Variants in CHN2 observed in about 807,000 individuals in gnomAD.
CHN2 encodes the protein beta-chimaerin.
In CHN2, 35 loss-of-function variants were observed where a neutral mutation model predicts 56.3. That is an observed-to-expected ratio of 0.62 (90% CI 0.47 to 0.82). The LOEUF (loss-of-function observed/expected upper bound fraction) is 0.82. Ranked by LOEUF, CHN2 falls within the 40% of genes least tolerant of loss-of-function variation. CHN2 has a pLI of 0.00. For missense variants in CHN2, 491 were observed against 580.5 expected (o/e 0.85, Z 1.58); for synonymous variants, 210 against 212.8 (o/e 0.99, Z 0.12).
intron 6 of CHN2, among the ~76,000 whole-genome samples, chr7:29,427,181 G>C (rs73080587): frequency 0.049 from 7,422 of 152,170 alleles, 385 homozygotes; most frequent in African/African-American, 0.13. Context: ...AGTTGGGTAT[G>C]GTGCACATGC....
intron 1 of CHN2, among the ~76,000 whole-genome samples, chr7:29,285,228 A>C (rs1792056062): frequency 6.6e-6 from 1 of 152,108 alleles, no homozygotes; most frequent in African/African-American, 2.4e-5. Flanking sequence ...AATCTGGCTC[A>C]CCGTAATTCC....
intron 6 of CHN2, among the ~76,000 whole-genome samples, chr7:29,448,981 C>T (rs1159559068): frequency 1.3e-5 from 2 of 152,166 alleles, no homozygotes; most frequent in African/African-American, 4.8e-5. Flanking sequence ...ATGGTGCTAC[C>T]TCGCCCTTCA....
intron 5 of CHN2, among the ~76,000 whole-genome samples, chr7:29,399,113 G>A (rs73078595): frequency 1.1e-4 from 16 of 152,226 alleles, no homozygotes; most frequent in East Asian, 9.6e-4. Flanking sequence ...TTCCTCAGCC[G>A]CAGATGCTAT....
At chr7:29,447,057 C>T (rs1335302198) in intron 6 of CHN2, among the ~76,000 whole-genome samples, 1 of 152,108 alleles carries the variant, frequency 6.6e-6, no homozygotes, top group African/African-American at 2.4e-5. Flanking sequence ...ACAAACATAC[C>T]CAGCGCCTGG....
chr7:29,296,084 AT>A (rs11367150), intron 1 of CHN2, among the ~76,000 whole-genome samples: 62,311 of 145,162 alleles, frequency 0.43, 12,952 homozygotes, highest in African/African-American at 0.46. Flanking sequence ...TGTAATCACC[AT>A]TTTTTTTTTT....
At chr7:29,493,563 C>A (rs80182507) in intron 7 of CHN2, among the ~76,000 whole-genome samples, 1,679 of 152,162 alleles carry the variant, frequency 0.011, 11 homozygotes, top group Middle Eastern at 0.02. Context: ...AAATGGAATT[C>A]TTCACTTTCT....
At chr7:29,408,783 T>C (rs1193026217) in intron 6 of CHN2, among the ~76,000 whole-genome samples, 2 of 152,158 alleles carry the variant, frequency 1.3e-5, no homozygotes, top group Non-Finnish European at 2.9e-5. Flanking sequence ...ATATCGGTGT[T>C]TTCAAAGAGG....
chr7:29,230,241 A>G (rs1304163643), intron 1 of CHN2, among the ~76,000 whole-genome samples: 1 of 152,226 alleles, frequency 6.6e-6, no homozygotes, highest in South Asian at 2.1e-4. Context: ...GTGTTTGCCT[A>G]GTTAAGATTT....
rs559222701 is a variant in CHN2 at position 29,416,223 on chromosome 7, T to C, written c.576+15395T>C. 2.0e-5 allele frequency among the ~76,000 whole-genome samples: 3 copies of C among 152,360 alleles called. No individual in the cohort carries two copies. The South Asian group carries it at 6.2e-4, about 32-fold the overall frequency. On this transcript the variant is annotated intron_variant, in intron 6 of 12. Coordinates refer to ENST00000222792, the MANE Select transcript of CHN2 (RefSeq NM_004067.4). ...TACCTGCAAAGACAGAACTGTAGTA[T>C]ATGCCTTTCTCAGAAAAGCTGTGGA...
intron 1 of CHN2, among the ~76,000 whole-genome samples, chr7:29,293,311 C>T (rs544922482): frequency 7.0e-6 from 1 of 143,456 alleles, no homozygotes; most frequent in East Asian, 2.3e-4. Flanking sequence ...TAAGGACTGT[C>T]GGGCTTTGAC....
chr7:29,329,190 T>C (rs1296397280), intron 1 of CHN2, among the ~76,000 whole-genome samples: 2 of 152,032 alleles, frequency 1.3e-5, no homozygotes, highest in Admixed American at 6.6e-5. Flanking sequence ...TCCTCTGCAC[T>C]TTGAAGATCA....
intron 1 of CHN2, among the ~76,000 whole-genome samples, chr7:29,306,706 G>A (rs1048012315): frequency 6.6e-6 from 1 of 152,300 alleles, no homozygotes; most frequent in Middle Eastern, 3.4e-3. Flanking sequence ...TTTAAATGTA[G>A]CAAATCACTT....
intron 1 of CHN2, among the ~76,000 whole-genome samples, chr7:29,332,029 AAAAG>A (rs1337436951): frequency 1.1e-4 from 17 of 152,100 alleles, no homozygotes; most frequent in African/African-American, 4.1e-4. Context: ...AAAAAAAAAA[AAAAG>A]AGAAGGATAA....
chr7:29,412,267 A>G (rs1803286299), intron 6 of CHN2, among the ~76,000 whole-genome samples: 3 of 147,772 alleles, frequency 2.0e-5, no homozygotes, highest in African/African-American at 5.0e-5. Context: ...ATATATGTAG[A>G]CCTCTTACAG....
At chr7:29,160,145 A>C (rs574451762) in intron 2 of CHN2, among the ~76,000 whole-genome samples, 6 of 152,174 alleles carry the variant, frequency 3.9e-5, no homozygotes, top group Non-Finnish European at 8.8e-5. Context: ...TGGCCCTCAT[A>C]ATATTTCTAC....
intron 1 of CHN2, among the ~76,000 whole-genome samples, chr7:29,351,781 G>A (rs10237534): frequency 0.22 from 34,070 of 152,104 alleles, 4,513 homozygotes; most frequent in Non-Finnish European, 0.3. Flanking sequence ...TCAGAGAGGC[G>A]GGCAGGCTCC....
At chr7:29,437,114 GT>G (rs900654967) in intron 6 of CHN2, among the ~76,000 whole-genome samples, 1 of 151,916 alleles carries the variant, frequency 6.6e-6, no homozygotes, top group Non-Finnish European at 1.5e-5. Flanking sequence ...ATATATATTT[GT>G]TGTATCTTTA....
intron 1 of CHN2, among the ~76,000 whole-genome samples, chr7:29,217,253 T>C (rs57901548): frequency 6.4e-4 from 97 of 152,350 alleles, no homozygotes; most frequent in African/African-American, 2.3e-3. Flanking sequence ...ACGGTAGTTA[T>C]CTGACCTATT....
chr7:29,225,519 G>A (rs190449736), intron 1 of CHN2, among the ~76,000 whole-genome samples: 26 of 152,310 alleles, frequency 1.7e-4, no homozygotes, highest in Non-Finnish European at 3.4e-4. Flanking sequence ...CAACAGAGAT[G>A]TGTATATGCA....
Sources: gnomAD v4.1 joint callset for allele counts (sites outside exome capture counted in the v4.1 genomes callset) on GRCh38, gnomAD v4.1.1 for gene constraint, MANE v1.5 for transcripts, NCBI Gene and HGNC (gene_info 2026-07-23, HGNC 2026-07-21) for gene names.